CNTN3: variants seen among roughly 807,000 people sequenced by gnomAD.
CNTN3 encodes the protein contactin 3.
Under a neutral mutation model 119.1 loss-of-function variants are expected in CNTN3, and 60 were observed. The ratio of observed to expected loss-of-function variants is 0.50; its 90% CI spans 0.41 to 0.62. The LOEUF (loss-of-function observed/expected upper bound fraction) is 0.62. Ranked by LOEUF, CNTN3 falls within the 20% of genes least tolerant of loss-of-function variation. The probability of loss-of-function intolerance (pLI) is 0.00; values close to 1 mark genes in which losing one functional copy is unlikely to be tolerated. For missense variants in CNTN3, 1,101 were observed against 1,242.4 expected, an observed-to-expected ratio of 0.89 and a Z score of 1.71; for synonymous variants, 450 against 438.7, an observed-to-expected ratio of 1.03 and a Z score of -0.32.
intron 5 of CNTN3, among the ~76,000 whole-genome samples, chr3:74,403,485 A>G (rs1705249672): frequency 6.6e-6 from 1 of 152,190 alleles, no homozygotes; most frequent in African/African-American, 2.4e-5. Context: ...CTCGACCCAG[A>G]AACTTCAGTT....
intron 11 of CNTN3, among the ~76,000 whole-genome samples, chr3:74,358,581 C>CTTTTT (rs1278876442): frequency 6.6e-4 from 87 of 130,942 alleles, no homozygotes; most frequent in Admixed American, 1.7e-3. Flanking sequence ...GAAGTGTATT[C>CTTTTT]TTTTTTTTTT....
In CNTN3 at chr3:74,297,939, C is replaced by T. The variant is rs1575706121; in HGVS notation, c.2401+18G>A. The T allele has an allele frequency of 2.5e-6, 4 of 1,573,110 alleles. No homozygotes were observed. Among genetic ancestry groups the T allele is most frequent in the Middle Eastern group, 1.7e-4 (1 of 5,948 alleles). ...ATTATTATTAGGCGGAACTGATATA[C>T]AGTCATGTTTTCCATACCTTCTTCT... On this transcript the variant is annotated intron_variant, in intron 18 of 22. Transcript: ENST00000263665.
At chr3:74,428,307 T>C (rs967571608) in intron 4 of CNTN3, among the ~76,000 whole-genome samples, 32 of 151,734 alleles carry the variant, frequency 2.1e-4, no homozygotes, top group African/African-American at 6.3e-4. Context: ...CTGAGGTAGG[T>C]CCTTCAGGAG....
intron 2 of CNTN3, among the ~76,000 whole-genome samples, chr3:74,510,182 A>G (rs4133146): frequency 0.79 from 119,992 of 151,566 alleles, 47,724 homozygotes; most frequent in Middle Eastern, 0.84. Flanking sequence ...GAAAGACTTC[A>G]GACTTTCCTG....
chr3:74,491,323 A>G (rs931518050), intron 3 of CNTN3, among the ~76,000 whole-genome samples: 8 of 136,824 alleles, frequency 5.8e-5, no homozygotes, highest in African/African-American at 1.8e-4. Flanking sequence ...CAACACGGAG[A>G]AACCATCTTT....
intron 11 of CNTN3, among the ~76,000 whole-genome samples, chr3:74,337,658 C>T (rs1386053975): frequency 6.6e-6 from 1 of 152,002 alleles, no homozygotes; most frequent in Non-Finnish European, 1.5e-5. Flanking sequence ...ATGGGGAAAC[C>T]GCCCCCGTGA....
chr3:74,605,447 T>TTG (rs1396401250), intron 1 of CNTN3, among the ~76,000 whole-genome samples: 10 of 152,112 alleles, frequency 6.6e-5, no homozygotes, highest in African/African-American at 2.4e-4. Context: ...TTTAAAAAGT[T>TTG]TGTGTGTGTT....
rs979878256 is a variant in CNTN3 at position 74,266,642 on chromosome 3, T to C, written c.2825A>G (p.Tyr942Cys). 16 of 1,612,906 alleles carry C rather than the reference T, an allele frequency of 9.9e-6. No homozygotes were observed. The highest frequency in any genetic ancestry group is 2.7e-5 in the African/African-American group (2 of 74,886). ...TACGTTATTTTGACTGCTAGTCCTA[T>C]AGAAAACCTAAAATGCATGAACAAA... Reference protein sequence around the residue: ...ESEVTGYKVFYRTSSQNNVQV... With the variant: ...ESEVTGYKVFCRTSSQNNVQV... The change falls in exon 22 of 23, where the codon TAT becomes TGT. Residue 942 changes from tyrosine to cysteine, a missense_variant. By Grantham distance (194) the Tyr-to-Cys change is radical. Coordinates refer to ENST00000263665, the MANE Select transcript of CNTN3 (RefSeq NM_020872.3).
Position 74,301,422 on chromosome 3 carries a change from C to G in CNTN3, c.2071G>C (p.Glu691Gln), listed in dbSNP as rs1227036979. The change falls in exon 16 of 23, where the codon GAA (glutamate) becomes CAA (glutamine). Residue 691 changes from glutamate (E) to glutamine (Q), a missense_variant. Transcript: ENST00000263665. ...IGGGEPSLPSEKVRTEEAVPE... is the reference protein window; with the variant it reads ...IGGGEPSLPSQKVRTEEAVPE... ...CCTGCCTCTTCAGTTCTTACTTTTTCTGAGGGTAAACTTGGTTCTCCACCT... is the reference window on the plus strand; with the variant it reads ...CCTGCCTCTTCAGTTCTTACTTTTTGTGAGGGTAAACTTGGTTCTCCACCT... 4 of 1,613,270 alleles carry G rather than the reference C, an allele frequency of 2.5e-6. No homozygotes were observed. The Admixed American group carries it at 6.7e-5, about 27-fold the overall frequency.
In CNTN3 at chr3:74,486,511, A is replaced by G. The variant is rs751023452; in HGVS notation, c.303T>C (p.Phe101=). 1.2e-6 allele frequency: 2 copies of G among 1,606,252 alleles called. No homozygotes were observed. The highest frequency in any genetic ancestry group is 2.3e-5 in the South Asian group (2 of 88,816). ...RNWDTGTYQC[F]ATNSLGTIVS... ...CAATTGTTCCAAGTGAATTTGTTGC[A>G]AAACATTGGTAAGTTCCTGTATCCC... Residue 101 remains phenylalanine (F), a synonymous_variant, in exon 4 of 23, where the codon TTT becomes TTC. Coordinates refer to ENST00000263665, the MANE Select transcript of CNTN3 (RefSeq NM_020872.3).
chr3:74,422,722 C>T (rs1411917458), intron 5 of CNTN3, among the ~76,000 whole-genome samples: 2 of 152,194 alleles, frequency 1.3e-5, no homozygotes, highest in African/African-American at 2.4e-5. Flanking sequence ...ACAACCAAGA[C>T]TACCCAGCTA....
chr3:74,277,987 T>G (rs1203005144), intron 20 of CNTN3, among the ~76,000 whole-genome samples: 1 of 149,290 alleles, frequency 6.7e-6, no homozygotes, highest in African/African-American at 2.5e-5. Context: ...AAGCAGAGAA[T>G]CAATTCAAAA....
chr3:74,385,032 T>A (rs1575676771), intron 5 of CNTN3, among the ~76,000 whole-genome samples: 1 of 152,224 alleles, frequency 6.6e-6, no homozygotes. Context: ...TAGAGTGCCA[T>A]GTTTTAGATC....
At chr3:74,396,726 C>G (rs1264441731) in intron 5 of CNTN3, among the ~76,000 whole-genome samples, 1 of 118,206 alleles carries the variant, frequency 8.5e-6, no homozygotes, top group Admixed American at 1.2e-4. Flanking sequence ...AGCCTGGCGA[C>G]AGAGCGAGAT....
chr3:74,459,031 A>G (rs1177649399), intron 4 of CNTN3, among the ~76,000 whole-genome samples: 1 of 152,020 alleles, frequency 6.6e-6, no homozygotes, highest in Non-Finnish European at 1.5e-5. Context: ...TGCTAGAATT[A>G]CCTGCTTCAT....
chr3:74,319,913 A>C (rs1447934842), intron 13 of CNTN3, among the ~76,000 whole-genome samples: 3 of 152,214 alleles, frequency 2.0e-5, no homozygotes, highest in Non-Finnish European at 4.4e-5. Context: ...AAACACATGA[A>C]AAAATGCTCA....
intron 4 of CNTN3, among the ~76,000 whole-genome samples, chr3:74,470,950 C>T (rs1698319677): frequency 6.7e-6 from 1 of 148,468 alleles, no homozygotes; most frequent in Non-Finnish European, 1.5e-5. Context: ...GATCTCGGCT[C>T]ACTGCAACCT....
At chr3:74,417,559 GGACAGACTTA>G (rs1186882998) in intron 5 of CNTN3, among the ~76,000 whole-genome samples, 1 of 152,098 alleles carries the variant, frequency 6.6e-6, no homozygotes, top group East Asian at 1.9e-4. Flanking sequence ...ATGCCTGGAT[GGACAGACTTA>G]GAAAGAAAAA....
intron 2 of CNTN3, among the ~76,000 whole-genome samples, chr3:74,509,481 A>G (rs893339229): frequency 1.3e-5 from 2 of 152,138 alleles, no homozygotes; most frequent in African/African-American, 4.8e-5. Flanking sequence ...TATTTTTAGT[A>G]GAGACGGGGT....
Sources: allele counts gnomAD v4.1 joint callset (sites outside exome capture counted in the v4.1 genomes callset), GRCh38; gene constraint gnomAD v4.1.1; transcripts MANE v1.5; gene names NCBI Gene and HGNC (gene_info 2026-07-23, HGNC 2026-07-21).